The following STXBP6 variants were observed in gnomAD, a reference collection of about 807,000 sequenced individuals.
STXBP6 encodes syntaxin binding protein 6.
STXBP6 carries 21 observed loss-of-function variants against 26.9 expected under a neutral mutation model. The observed-to-expected ratio is 0.78, with a 90% confidence interval of 0.55 to 1.12. STXBP6 has a LOEUF of 1.12. STXBP6 is among the 50% of genes most tolerant of loss of function. The pLI is 0.00. For synonymous variants in STXBP6, 97 were observed against 92.6 expected (o/e 1.05, Z -0.27); for missense variants, 232 against 257.9 (o/e 0.90, Z 0.69).
At chr14:24,959,062 T>C (rs1371011316) in intron 2 of STXBP6, among the ~76,000 whole-genome samples, 1 of 152,210 alleles carries the variant, frequency 6.6e-6, no homozygotes, top group Non-Finnish European at 1.5e-5. Flanking sequence ...TAGTCGTTGA[T>C]CAATAAATGT....
intron 1 of STXBP6, among the ~76,000 whole-genome samples, chr14:25,004,973 A>G (rs1183277099): frequency 2.0e-5 from 3 of 152,222 alleles, no homozygotes; most frequent in Non-Finnish European, 4.4e-5. Context: ...GACAGATCCC[A>G]GCTCTGAAAC....
intron 2 of STXBP6, among the ~76,000 whole-genome samples, chr14:24,962,757 A>G (rs773755811): frequency 1.3e-4 from 20 of 152,140 alleles, no homozygotes; most frequent in Non-Finnish European, 2.4e-4. Flanking sequence ...TTCCAGTCCC[A>G]TCCTACCACT....
At chr14:24,957,892 TAAAA>T (rs1174046107) in intron 2 of STXBP6, among the ~76,000 whole-genome samples, 1 of 152,172 alleles carries the variant, frequency 6.6e-6, no homozygotes, top group Non-Finnish European at 1.5e-5. Flanking sequence ...ATTCTGGAAA[TAAAA>T]GAAATGCAGA....
intron 2 of STXBP6, among the ~76,000 whole-genome samples, chr14:24,947,759 C>T (rs1046851503): frequency 6.6e-6 from 1 of 152,192 alleles, no homozygotes; most frequent in South Asian, 2.1e-4. Flanking sequence ...CAAATCCACA[C>T]ATTTCCCAAT....
chr14:24,839,362 A>G (rs1469323915), intron 4 of STXBP6, among the ~76,000 whole-genome samples: 1 of 147,740 alleles, frequency 6.8e-6, no homozygotes, highest in African/African-American at 2.4e-5. Context: ...ACCAATTCAT[A>G]CAACACATGC....
At chr14:25,041,750 C>T (rs2075646434) in intron 1 of STXBP6, among the ~76,000 whole-genome samples, 1 of 152,230 alleles carries the variant, frequency 6.6e-6, no homozygotes, top group South Asian at 2.1e-4. Context: ...CGCAGTGAGT[C>T]CCAGTGAAGC....
At position 25,050,142 on chromosome 14, in the gene STXBP6, G is replaced by C. The variant is rs995029071; in HGVS notation, c.-297C>G. 2.6e-5 allele frequency: 4 copies of C among 153,208 alleles called. No individual in the cohort carries two copies. Among genetic ancestry groups the C allele is most frequent in the African/African-American group, 9.7e-5 (4 of 41,444 alleles). The allele number at this position is 153,208 out of a possible 1,614,324, so 9.5% of individuals were successfully genotyped here. A position where few individuals can be genotyped will look rare whatever the true frequency, so the allele number is the denominator to read the frequency against. ...TGCAGCCGCGCGCCCGCCCGCCGCC[G>C]AGTGCGAGCGCCTGCGAAGCAAACC... On this transcript the variant is annotated 5_prime_UTR_variant, in exon 1 of 6. Transcript: ENST00000323944.
chr14:24,891,152 A>G (rs144937804), intron 2 of STXBP6, among the ~76,000 whole-genome samples: 2 of 152,202 alleles, frequency 1.3e-5, no homozygotes, highest in African/African-American at 4.8e-5. Context: ...AACTTTGGAC[A>G]GTATGTTAAT....
chr14:24,904,328 G>T (rs1317839755), intron 2 of STXBP6, among the ~76,000 whole-genome samples: 1 of 152,162 alleles, frequency 6.6e-6, no homozygotes, highest in East Asian at 1.9e-4. Context: ...CGTTGACAGG[G>T]AACCAATGTT....
chr14:24,935,661 T>G (rs2072568860), intron 2 of STXBP6, among the ~76,000 whole-genome samples: 1 of 152,364 alleles, frequency 6.6e-6, no homozygotes, highest in South Asian at 2.1e-4. Flanking sequence ...GAAATGTGTC[T>G]GCAAAGAGTA....
At chr14:24,954,860 A>G (rs1338665947) in intron 2 of STXBP6, among the ~76,000 whole-genome samples, 1 of 152,228 alleles carries the variant, frequency 6.6e-6, no homozygotes, top group Non-Finnish European at 1.5e-5. Context: ...GCGCAGATAT[A>G]AAGAGCTCAG....
At chr14:24,984,013 C>CACG (rs1566535209) in intron 1 of STXBP6, among the ~76,000 whole-genome samples, 1 of 152,170 alleles carries the variant, frequency 6.6e-6, no homozygotes, top group Non-Finnish European at 1.5e-5. Context: ...GTGGGTGGAT[C>CACG]ACGAGGTCAA....
At chr14:24,945,139 A>ATTTTTT (rs552562019) in intron 2 of STXBP6, among the ~76,000 whole-genome samples, 1,050 of 100,666 alleles carry the variant, frequency 0.01, 212 homozygotes, top group African/African-American at 0.026. Flanking sequence ...CCAATTAGGA[A>ATTTTTT]TTTTTTTTTT....
intron 4 of STXBP6, among the ~76,000 whole-genome samples, chr14:24,843,931 A>G (rs2068861679): frequency 6.6e-6 from 1 of 152,164 alleles, no homozygotes; most frequent in Non-Finnish European, 1.5e-5. Flanking sequence ...ACCTGAGTTT[A>G]TGAGGTGACT....
rs553660692 is a variant in STXBP6, at chr14:24,996,753, G to T, written c.-32-21903C>A. ...GCCTGTGATCCCAGCTACTTGGAAGGCTGAGGCAGGAGAATCGCTTGAACC... is the reference window on the plus strand; with the variant it reads ...GCCTGTGATCCCAGCTACTTGGAAGTCTGAGGCAGGAGAATCGCTTGAACC... On this transcript the variant is annotated intron_variant, in intron 1 of 5. Transcript: ENST00000323944. 6.6e-5 allele frequency among the ~76,000 whole-genome samples: 10 copies of T among 150,956 alleles called. No homozygotes were observed. In the South Asian group the frequency reaches 1.9e-3, roughly 29 times the overall value.
intron 2 of STXBP6, among the ~76,000 whole-genome samples, chr14:24,966,367 C>G (rs1336235603): frequency 6.8e-6 from 1 of 147,358 alleles, no homozygotes; most frequent in East Asian, 2.0e-4. Flanking sequence ...GAGTTCTGTT[C>G]TCCAGATCTA....
chr14:24,925,749 T>C (rs958218423), intron 2 of STXBP6, among the ~76,000 whole-genome samples: 39 of 152,288 alleles, frequency 2.6e-4, no homozygotes, highest in African/African-American at 9.1e-4. Context: ...GCTTATATAA[T>C]GGGTTTTTAA....
chr14:25,014,051 A>G (rs1428956412), intron 1 of STXBP6, among the ~76,000 whole-genome samples: 26 of 152,244 alleles, frequency 1.7e-4, no homozygotes, highest in Admixed American at 1.7e-3. Flanking sequence ...TTGTTTCAAC[A>G]TAATCCCTGG....
chr14:24,849,308 T>G (rs926668965), intron 4 of STXBP6, among the ~76,000 whole-genome samples: 1 of 152,168 alleles, frequency 6.6e-6, no homozygotes, highest in African/African-American at 2.4e-5. Context: ...TAAGTCTGTG[T>G]GTGTACATGA....
Sources: allele counts gnomAD v4.1 joint callset (sites outside exome capture counted in the v4.1 genomes callset), GRCh38; gene constraint gnomAD v4.1.1; transcripts MANE v1.5; gene names NCBI Gene and HGNC (gene_info 2026-07-23, HGNC 2026-07-21).